Variants in MAPKAPK2 observed in about 807,000 individuals in gnomAD.
MAPKAPK2 encodes MAPK activated protein kinase 2.
In MAPKAPK2, 9 loss-of-function variants were observed where a neutral mutation model predicts 48.8. The observed-to-expected ratio is 0.18, with a 90% CI of 0.11 to 0.32. The LOEUF (loss-of-function observed/expected upper bound fraction) is 0.32, where lower values mean the gene tolerates loss of function less well. MAPKAPK2 is among the 10% of genes least tolerant of loss of function. The pLI is 1.00. For synonymous variants in MAPKAPK2, 202 were observed against 190.6 expected, an observed-to-expected ratio of 1.06 and a Z score of -0.49; for missense variants, 331 against 498.3, an observed-to-expected ratio of 0.66 and a Z score of 3.20.
At chr1:206,690,312 T>G (rs994651355) in intron 1 of MAPKAPK2, among the ~76,000 whole-genome samples, 5 of 152,216 alleles carry the variant, frequency 3.3e-5, no homozygotes, top group Non-Finnish European at 7.3e-5. Context: ...GCCCTTGGCA[T>G]CCACTGAGGC....
In MAPKAPK2 at chr1:206,714,151, C is replaced by G. The variant is rs575918659; in HGVS notation, c.280-14559C>G. Among the ~76,000 whole-genome samples the G allele has an allele frequency of 1.9e-3, 297 of 152,330 alleles. 1 individual carries two copies. The highest frequency in any genetic ancestry group is 6.8e-3 in the African/African-American group (284 of 41,566). On this transcript the variant is annotated intron_variant, in intron 1 of 9. Transcript: ENST00000367103. ...CCTGTCCTAGATCCACCAAACAGCACTTTATTACTGGCCATTTATAACAAC... is the reference window on the plus strand; with the variant it reads ...CCTGTCCTAGATCCACCAAACAGCAGTTTATTACTGGCCATTTATAACAAC...
chr1:206,731,547 C>T lies in MAPKAPK2; in HGVS notation c.893-93C>T. 1 of 1,236,804 alleles carries T rather than the reference C, an allele frequency of 8.1e-7. No homozygotes were observed. The allele number at this position is 1,236,804 out of a possible 1,614,324, so 76.6% of individuals were successfully genotyped here. A position where few individuals can be genotyped will look rare whatever the true frequency, so the allele number is the denominator to read the frequency against. On this transcript the variant is annotated intron_variant, in intron 7 of 9. Transcript: ENST00000367103. This position sits in a 1 kb window ranked among gnomAD's most constrained non-coding sequence, Gnocchi z 5.9. ...GGCAGCCTGCCTCCATGCACCCCCT[C>T]TTTGAACCTGGTTTCCCCATGAAAA...
At chr1:206,708,864 G>A (rs1673047641) in intron 1 of MAPKAPK2, among the ~76,000 whole-genome samples, 1 of 152,064 alleles carries the variant, frequency 6.6e-6, no homozygotes, top group Admixed American at 6.5e-5. Flanking sequence ...CATATAAATG[G>A]GATAATCAGT....
intron 1 of MAPKAPK2, among the ~76,000 whole-genome samples, chr1:206,715,367 G>C (rs919718122): frequency 6.6e-6 from 1 of 152,096 alleles, no homozygotes; most frequent in African/African-American, 2.4e-5. Context: ...TACTCCCTTC[G>C]GGCCTGTCCT....
chr1:206,728,642 T>C, intron 1 of MAPKAPK2, 68 bp from the exon 2 acceptor site: 1 of 1,542,142 alleles, frequency 6.5e-7, no homozygotes, highest in Non-Finnish European at 8.8e-7. Flanking sequence ...TGTCAGGGCA[T>C]GTGGGCCAGG....
At chr1:206,695,733 G>T in intron 1 of MAPKAPK2, 1 of 273,188 alleles carries the variant, frequency 3.7e-6, no homozygotes, top group Non-Finnish European at 7.1e-6. Context: ...CTCTGTTTAA[G>T]TGCATTTCTC....
At chr1:206,697,518 C>G (rs147153093) in intron 1 of MAPKAPK2, among the ~76,000 whole-genome samples, 1 of 151,062 alleles carries the variant, frequency 6.6e-6, no homozygotes, top group Non-Finnish European at 1.5e-5. Context: ...TGTCACATGT[C>G]GAGAAGAGGG....
At position 206,704,741 on chromosome 1, in the gene MAPKAPK2, A is replaced by C. The variant is rs377595812; in HGVS notation, c.279+19233A>C. Among the ~76,000 whole-genome samples the C allele has an allele frequency of 6.6e-6, 1 of 152,196 alleles. No individual in the cohort carries two copies. ...GAATAAGTGAAGATGAGTGCACCAC[A>C]AGTGTGTGTGTGCACTTCTTAATCT... On this transcript the variant is annotated intron_variant, in intron 1 of 9. Coordinates refer to ENST00000367103, the MANE Select transcript of MAPKAPK2 (RefSeq NM_032960.4). The surrounding 1 kb of genome is among the most constrained non-coding windows in gnomAD (Gnocchi z 4.3).
At chr1:206,696,412 A>G (rs1024834084) in intron 1 of MAPKAPK2, 8 of 600,160 alleles carry the variant, frequency 1.3e-5, no homozygotes, top group Non-Finnish European at 2.4e-5. Context: ...TGTCCTCATT[A>G]AAAAACTCAG....
chr1:206,718,640 G>C (rs1673418682), intron 1 of MAPKAPK2, among the ~76,000 whole-genome samples: 1 of 151,692 alleles, frequency 6.6e-6, no homozygotes, highest in Non-Finnish European at 1.5e-5. Flanking sequence ...TCTCCCCGTC[G>C]CCGTGGATGG....
intron 1 of MAPKAPK2, among the ~76,000 whole-genome samples, chr1:206,695,638 C>T (rs925034344): frequency 2.0e-5 from 3 of 152,072 alleles, no homozygotes; most frequent in Non-Finnish European, 4.4e-5. Flanking sequence ...TGCACAGATG[C>T]TGCTTTTCCA....
chr1:206,707,283 T>C (rs528763920), intron 1 of MAPKAPK2, among the ~76,000 whole-genome samples: 1 of 152,008 alleles, frequency 6.6e-6, no homozygotes, highest in African/African-American at 2.4e-5. Context: ...CTAAGTAGTC[T>C]GTTCCCAACT....
At position 206,733,838 on chromosome 1, in the gene MAPKAPK2, G is replaced by T. The variant is rs1318850762; in HGVS notation, c.*1120G>T. The stretch of plus-strand genomic sequence containing the variant: ...GGCATCAGCCAGCTACCCCTTGTGG[G>T]CAAAGGCAGGGCCACTTTTGAAGTC... On this transcript the variant is annotated 3_prime_UTR_variant, in exon 10 of 10. Transcript: ENST00000367103. 6.5e-6 allele frequency: 1 copy of T among 152,816 alleles called. No homozygotes were observed. Among genetic ancestry groups the T allele is most frequent in the Non-Finnish European group, 1.5e-5 (1 of 68,068 alleles). The allele number at this position is 152,816 out of a possible 1,614,324, so 9.5% of individuals were successfully genotyped here.
chr1:206,712,787 G>C (rs543831912), intron 1 of MAPKAPK2, among the ~76,000 whole-genome samples: 2 of 152,038 alleles, frequency 1.3e-5, no homozygotes, highest in South Asian at 4.2e-4. Context: ...CCAATGTGGT[G>C]AAACCCCATC....
intron 1 of MAPKAPK2, among the ~76,000 whole-genome samples, chr1:206,721,699 G>C (rs1482482922): frequency 1.3e-5 from 2 of 152,170 alleles, no homozygotes; most frequent in African/African-American, 4.8e-5. Flanking sequence ...GACTCAGTGA[G>C]TTTTCTCATT....
At chr1:206,714,378 C>A (rs1673254303) in intron 1 of MAPKAPK2, among the ~76,000 whole-genome samples, 1 of 152,014 alleles carries the variant, frequency 6.6e-6, no homozygotes, top group East Asian at 1.9e-4. Context: ...CCCAGGGTAG[C>A]TTGTGATGGT....
chr1:206,708,046 A>G (rs1673020053), intron 1 of MAPKAPK2, among the ~76,000 whole-genome samples: 1 of 152,216 alleles, frequency 6.6e-6, no homozygotes, highest in Non-Finnish European at 1.5e-5. Flanking sequence ...GATCCCTTCA[A>G]CCACAGCCAG....
At chr1:206,712,787 G>A (rs543831912) in intron 1 of MAPKAPK2, among the ~76,000 whole-genome samples, 3 of 151,920 alleles carry the variant, frequency 2.0e-5, no homozygotes, top group African/African-American at 7.3e-5. Context: ...CCAATGTGGT[G>A]AAACCCCATC....
At position 206,730,012 on chromosome 1, in the gene MAPKAPK2, T is replaced by C. The variant is rs140901506; in HGVS notation, c.605T>C (p.Ile202Thr). 79 of 1,614,244 alleles carry C rather than the reference T, an allele frequency of 4.9e-5. No homozygotes were observed. The African/African-American group carries it at 1.0e-3, about 21-fold the overall frequency. Residue 202 changes from isoleucine to threonine, a missense_variant, in exon 5 of 10, where the codon ATC (isoleucine) becomes ACC (threonine). Transcript: ENST00000367103. ...LLYTSKRPNA[I>T]LKLTDFGFAK... Reference sequence around the variant, plus strand: ...TACACCTCCAAAAGGCCCAACGCCATCCTGAAACTCACTGACTTTGGCTTT... The same window carrying C: ...TACACCTCCAAAAGGCCCAACGCCACCCTGAAACTCACTGACTTTGGCTTT...
Sources: allele counts gnomAD v4.1 joint callset (sites outside exome capture counted in the v4.1 genomes callset), GRCh38; gene constraint gnomAD v4.1.1; non-coding constraint Gnocchi (gnomAD v3.1); transcripts MANE v1.5; gene names NCBI Gene and HGNC (gene_info 2026-07-23, HGNC 2026-07-21).